LOXHD1: variants seen among roughly 807,000 people sequenced by gnomAD.
LOXHD1 encodes the protein lipoxygenase homology PLAT domains 1.
LOXHD1 carries 205 observed loss-of-function variants against 248.2 expected under a neutral mutation model. The ratio of observed to expected loss-of-function variants is 0.83; its 90% CI spans 0.74 to 0.93. LOXHD1 has a LOEUF of 0.93. Among genes scored for constraint, LOXHD1 ranks in the 40% least tolerant of loss-of-function variants. The probability of loss-of-function intolerance (pLI) is 0.00; values close to 1 mark genes in which losing one functional copy is unlikely to be tolerated. For missense variants in LOXHD1, 2,930 were observed against 2,971.6 expected (o/e 0.99, Z 0.33); for synonymous variants, 1,113 against 1,162.8 (o/e 0.96, Z 0.87).
rs774755934 is a variant in LOXHD1, at chr18:46,566,473, G to A, written c.2245-24C>T. The A allele has an allele frequency of 3.6e-5, 56 of 1,541,882 alleles. 1 individual carries two copies. In the South Asian group the frequency reaches 6.6e-4, roughly 18 times the overall value. On this transcript the variant is annotated intron_variant, in intron 16 of 40. Coordinates refer to ENST00000642948, the MANE Select transcript of LOXHD1 (RefSeq NM_001384474.1). ...ATCTGAAGGAAACCCGAGTGAGGGT[G>A]AGCAAGGAGCCAGTGTGTAGAAACC... is the stretch of plus-strand genomic sequence containing the variant.
intron 5 of LOXHD1, 39 bp from the exon 6 acceptor site, chr18:46,610,963 C>T: frequency 6.5e-7 from 1 of 1,546,006 alleles, no homozygotes; most frequent in Non-Finnish European, 8.7e-7. Flanking sequence ...ACAAAAAGAC[C>T]AGAAGAAAAG....
chr18:46,524,355 G>A (rs1360158733), intron 31 of LOXHD1, 111 bp downstream of exon 31: 3 of 1,396,446 alleles, frequency 2.1e-6, no homozygotes, highest in Non-Finnish European at 2.9e-6. Context: ...ATGACTAAGT[G>A]TTAGATATGT....
chr18:46,621,533 C>A (rs563315769), intron 4 of LOXHD1, among the ~76,000 whole-genome samples: 74 of 152,284 alleles, frequency 4.9e-4, no homozygotes, highest in Non-Finnish European at 8.1e-4. Context: ...GGGCATCAAG[C>A]CTTCCTGTCA....
chr18:46,516,833 CCAT>C (rs992164829), intron 34 of LOXHD1, among the ~76,000 whole-genome samples: 40 of 152,048 alleles, frequency 2.6e-4, no homozygotes, highest in Admixed American at 1.6e-3. Flanking sequence ...ATCATCCCTA[CCAT>C]CATCAACATC....
chr18:46,511,502 T>G (rs1358288799), intron 34 of LOXHD1, among the ~76,000 whole-genome samples: 1 of 152,212 alleles, frequency 6.6e-6, no homozygotes, highest in East Asian at 1.9e-4. Context: ...TCTGGTTTCC[T>G]TCTGTTCCTG....
At chr18:46,489,629 C>G (rs908213883) in intron 37 of LOXHD1, among the ~76,000 whole-genome samples, 1 of 152,212 alleles carries the variant, frequency 6.6e-6, no homozygotes, top group South Asian at 2.1e-4. Flanking sequence ...CTCCAAGAAG[C>G]CTTCCCTGAT....
Position 46,656,887 on chromosome 18 carries a change from A to G in LOXHD1, c.130+17T>C. On this transcript the variant is annotated intron_variant, in intron 1 of 40. Coordinates refer to ENST00000642948, the MANE Select transcript of LOXHD1 (RefSeq NM_001384474.1). ...GCCAGCTGCACCACCCGCCCCCCGC[A>G]GGCTGGGACCCCGCACCTCTGGCCT... 2 of 1,550,102 alleles carry G rather than the reference A, an allele frequency of 1.3e-6. No homozygotes were observed. Among genetic ancestry groups the G allele is most frequent in the Non-Finnish European group, 1.7e-6 (2 of 1,145,804 alleles).
At chr18:46,490,485 T>G (rs540814438) in intron 37 of LOXHD1, among the ~76,000 whole-genome samples, 4 of 152,254 alleles carry the variant, frequency 2.6e-5, no homozygotes, top group Non-Finnish European at 5.9e-5. Flanking sequence ...ACTTATTTAT[T>G]TATTTATGAG....
chr18:46,565,997 AT>A (rs2037632005), intron 17 of LOXHD1, among the ~76,000 whole-genome samples: 2 of 152,208 alleles, frequency 1.3e-5, no homozygotes, highest in Admixed American at 1.3e-4. Flanking sequence ...GCATTTCCTA[AT>A]AAAGTCATTT....
intron 1 of LOXHD1, among the ~76,000 whole-genome samples, chr18:46,650,869 C>T (rs1358577369): frequency 6.6e-6 from 1 of 152,170 alleles, no homozygotes; most frequent in East Asian, 1.9e-4. Context: ...CAGCCATTGG[C>T]TCCTCCACTT....
chr18:46,530,536 G>C (rs1284253314), intron 28 of LOXHD1, among the ~76,000 whole-genome samples: 1 of 152,064 alleles, frequency 6.6e-6, no homozygotes, highest in African/African-American at 2.4e-5. Flanking sequence ...CTGGACTAAG[G>C]GCCAGGCCTC....
At chr18:46,514,091 C>T (rs1337076827) in intron 34 of LOXHD1, among the ~76,000 whole-genome samples, 1 of 152,206 alleles carries the variant, frequency 6.6e-6, no homozygotes, top group Non-Finnish European at 1.5e-5. Flanking sequence ...TGGGGAGCTG[C>T]ATCTCTATCT....
At chr18:46,612,687 A>T (rs1397697952) in intron 5 of LOXHD1, among the ~76,000 whole-genome samples, 1 of 152,144 alleles carries the variant, frequency 6.6e-6, no homozygotes, top group Non-Finnish European at 1.5e-5. Flanking sequence ...CTCTAAATTG[A>T]GATTAAAAAG....
chr18:46,635,704 T>C (rs1344509702), intron 4 of LOXHD1, among the ~76,000 whole-genome samples: 1 of 152,242 alleles, frequency 6.6e-6, no homozygotes, highest in Non-Finnish European at 1.5e-5. Flanking sequence ...CTGACATTTA[T>C]AGCAAATGAT....
intron 14 of LOXHD1, among the ~76,000 whole-genome samples, chr18:46,575,640 G>A (rs1046316353): frequency 1.3e-5 from 2 of 152,156 alleles, no homozygotes; most frequent in Non-Finnish European, 2.9e-5. Context: ...TGAGGACATA[G>A]GCCCGGGTCA....
At chr18:46,605,380 G>A (rs2615949) in intron 6 of LOXHD1, among the ~76,000 whole-genome samples, 148,563 of 152,118 alleles carry the variant, frequency 0.98, 72,568 homozygotes, top group East Asian at 0.99. Flanking sequence ...CAAAAAAATT[G>A]GCCAGGCGTG....
chr18:46,495,794 T>C (rs1429772675), intron 37 of LOXHD1, among the ~76,000 whole-genome samples: 4 of 152,148 alleles, frequency 2.6e-5, no homozygotes, highest in African/African-American at 9.7e-5. Flanking sequence ...ATGATAGTGG[T>C]GGTGTAATTT....
In LOXHD1 at chr18:46,507,723, G is replaced by A; in HGVS notation, c.5518-11C>T. On this transcript the variant is annotated splice_polypyrimidine_tract_variant and intron_variant, in intron 35 of 40. Transcript: ENST00000642948. ...GTTCTTCAGTAGGATCTGGGGGAGA[G>A]GGAGCCACCGTGGGAATGCCCTGTC... 1 of 1,546,000 alleles carries A rather than the reference G, an allele frequency of 6.5e-7. No individual in the cohort carries two copies.
At chr18:46,639,938 G>T in intron 3 of LOXHD1, 138 bp from the exon 4 acceptor site, 1 of 1,057,706 alleles carries the variant, frequency 9.5e-7, no homozygotes, top group South Asian at 1.6e-5. Context: ...CCTGAACCTC[G>T]GTTTCCTCAT....
Sources: gnomAD v4.1 joint callset for allele counts (sites outside exome capture counted in the v4.1 genomes callset) on GRCh38, gnomAD v4.1.1 for gene constraint, MANE v1.5 for transcripts, NCBI Gene and HGNC (gene_info 2026-07-23, HGNC 2026-07-21) for gene names.